The following LYST variants were observed in gnomAD, a reference collection of about 807,000 sequenced individuals.
LYST encodes the protein lysosomal trafficking regulator.
LYST carries 192 observed loss-of-function variants against 413.6 expected under a neutral mutation model. That is an observed-to-expected ratio of 0.46 (90% CI 0.41 to 0.52). The LOEUF is 0.52. Among genes scored for constraint, LYST ranks in the 20% least tolerant of loss-of-function variants. LYST has a pLI of 0.00. For synonymous variants in LYST, 1,525 were observed against 1,567.3 expected, an observed-to-expected ratio of 0.97 and a Z score of 0.64; for missense variants, 3,815 against 4,499.9, an observed-to-expected ratio of 0.85 and a Z score of 4.35.
At chr1:235,683,004 C>G (rs2103048855) in intron 48 of LYST, among the ~76,000 whole-genome samples, 1 of 152,272 alleles carries the variant, frequency 6.6e-6, no homozygotes, top group South Asian at 2.1e-4. Flanking sequence ...ACAGTCAATC[C>G]CATTCATTAT....
chr1:235,721,047 G>T, intron 39 of LYST, 142 bp from the exon 40 acceptor site: 1 of 756,678 alleles, frequency 1.3e-6, no homozygotes, highest in Non-Finnish European at 2.2e-6. Flanking sequence ...AACATTAATG[G>T]GTAGAGAACT....
intron 47 of LYST, among the ~76,000 whole-genome samples, chr1:235,688,883 G>A (rs1030063240): frequency 2.0e-5 from 3 of 151,836 alleles, no homozygotes; most frequent in Admixed American, 6.6e-5. Flanking sequence ...TACTAGGGAC[G>A]GTGAGGCAGG....
In LYST at chr1:235,787,297, G is replaced by A; in HGVS notation, c.4765C>T (p.Pro1589Ser). The A allele has an allele frequency of 6.2e-7, 1 of 1,613,466 alleles. No individual in the cohort carries two copies. ...QVESQENIFL[P>S]SKWQHLVLTY... is the part of the protein sequence containing the mutation. Reference sequence around the variant, plus strand: ...AGTACTAAATGTTGCCATTTGCTTGGGAGGAAAATATTCTCCTGTGATTCA... The same window carrying A: ...AGTACTAAATGTTGCCATTTGCTTGAGAGGAAAATATTCTCCTGTGATTCA... Residue 1589 changes from proline (P) to serine (S), a missense_variant, in exon 14 of 53, where the codon CCA (proline) becomes TCA (serine). By Grantham distance (74) the Pro-to-Ser change is moderately conservative. Coordinates refer to ENST00000389793, the MANE Select transcript of LYST (RefSeq NM_000081.4).
chr1:235,800,170 C>T, intron 10 of LYST, 150 bp downstream of exon 10: 1 of 581,468 alleles, frequency 1.7e-6, no homozygotes, highest in South Asian at 1.8e-5. Context: ...TGGTATTGAA[C>T]TCCCAGGCTC....
Position 235,686,971 on chromosome 1 carries a change from G to A in LYST, c.10778C>T (p.Thr3593Ile). The A allele has an allele frequency of 1.2e-6, 2 of 1,614,014 alleles. No homozygotes were observed. The highest frequency in any genetic ancestry group is 1.7e-6 in the Non-Finnish European group (2 of 1,179,938). Residue 3593 changes from threonine (T) to isoleucine (I), a missense_variant, in exon 48 of 53, where the codon ACA becomes ATA. Thr to Ile is a moderately conservative substitution (Grantham distance 89, BLOSUM62 -1). Around this residue, in one of 4 missense-constraint regions of LYST, gnomAD observed 866 missense variants for 1,156.0 expected, o/e 0.75. Transcript: ENST00000389793. The surrounding 1 kb of genome is among the most constrained non-coding windows in gnomAD (Gnocchi z 4.0). ...GSKCGVITAY[T>I]NRFTSSTPSE... ...TACCGTGCTGCTTGTAAATCTGTTT[G>A]TGTAGGCTGTGATGACACCGCATTT...
intron 33 of LYST, 65 bp from the exon 34 acceptor site, chr1:235,733,756 CT>C: frequency 2.6e-6 from 4 of 1,511,806 alleles, no homozygotes; most frequent in Non-Finnish European, 3.7e-6. Flanking sequence ...GAACATGATA[CT>C]TTAAAACTAA....
chr1:235,727,013 G>A (rs1663941759), intron 38 of LYST, among the ~76,000 whole-genome samples: 1 of 151,964 alleles, frequency 6.6e-6, no homozygotes, highest in Admixed American at 6.6e-5. Flanking sequence ...CTATATAAAT[G>A]AGAAAAGAAT....
At position 235,845,214 on chromosome 1, in the gene LYST, C is replaced by T. The variant is rs534372558; in HGVS notation, c.-97-11547G>A. Among the ~76,000 whole-genome samples, 20 of 152,294 alleles carry T rather than the reference C, an allele frequency of 1.3e-4. No homozygotes were observed. The East Asian group carries it at 3.3e-3, about 25-fold the overall frequency. ...ACCCTCCTCTCCTGAACACACACCC[C>T]CACTGGAGAAGCTGAAGGTCTGTTT... On this transcript the variant is annotated intron_variant, in intron 1 of 52. Transcript: ENST00000389793.
At chr1:235,751,405 A>G (rs1666485892) in intron 27 of LYST, 43 bp from the exon 28 acceptor site, 7 of 1,557,840 alleles carry the variant, frequency 4.5e-6, no homozygotes, top group Non-Finnish European at 6.2e-6. Context: ...CTATGTGGTT[A>G]CTAATTTTTT....
intron 1 of LYST, among the ~76,000 whole-genome samples, chr1:235,845,087 G>A (rs1677647344): frequency 6.6e-6 from 1 of 152,130 alleles, no homozygotes; most frequent in African/African-American, 2.4e-5. Flanking sequence ...CAGCAATCCC[G>A]AGAGGACCCA....
At chr1:235,666,609 C>CAT (rs1322385651) in intron 50 of LYST, among the ~76,000 whole-genome samples, 1 of 135,366 alleles carries the variant, frequency 7.4e-6, no homozygotes, top group Non-Finnish European at 1.6e-5. Flanking sequence ...CACACACATA[C>CAT]ACACACACAC....
At chr1:235,867,467 G>A (rs1000275684), upstream of LYST, among the ~76,000 whole-genome samples, 80 of 152,296 alleles carry the variant, frequency 5.3e-4, no homozygotes, top group African/African-American at 1.8e-3. Context: ...GTTACCGTCG[G>A]CTTCTTTCAA....
intron 40 of LYST, among the ~76,000 whole-genome samples, chr1:235,718,492 C>T (rs185297402): frequency 5.8e-4 from 88 of 152,058 alleles, no homozygotes; most frequent in Non-Finnish European, 3.4e-4. Context: ...GAACTCCTGA[C>T]GTCAGGTGAT....
chr1:235,817,999 A>AT (rs1268163084), intron 3 of LYST, among the ~76,000 whole-genome samples: 5 of 152,104 alleles, frequency 3.3e-5, no homozygotes, highest in African/African-American at 1.2e-4. Context: ...TTCTGTGATG[A>AT]TTTTTTGAGA....
rs764356778 is a variant in LYST at position 235,687,066 on chromosome 1, C to A, written c.10702-19G>T. ...TAGTCACCTTTGAAAAAGGACCAATCAAAGATTATCATGTTTTAAAAGAAT... is the reference window on the plus strand; with the variant it reads ...TAGTCACCTTTGAAAAAGGACCAATAAAAGATTATCATGTTTTAAAAGAAT... On this transcript the variant is annotated intron_variant, in intron 47 of 52. Coordinates refer to ENST00000389793, the MANE Select transcript of LYST (RefSeq NM_000081.4). The A allele has an allele frequency of 2.7e-5, 39 of 1,468,288 alleles. No homozygotes were observed. The highest frequency in any genetic ancestry group is 3.6e-5 in the Non-Finnish European group (38 of 1,047,326). The allele number at this position is 1,468,288 out of a possible 1,614,324, so 91.0% of individuals were successfully genotyped here.
intron 31 of LYST, 91 bp downstream of exon 31, chr1:235,741,331 T>A (rs1408722541): frequency 8.1e-6 from 9 of 1,111,402 alleles, no homozygotes; most frequent in Non-Finnish European, 1.2e-5. Flanking sequence ...AAATTAGGCA[T>A]GAACATTCAG....
chr1:235,792,174 ACAT>A (rs765746561), intron 11 of LYST, 49 bp from the exon 12 acceptor site: 41 of 1,210,446 alleles, frequency 3.4e-5, no homozygotes, highest in Non-Finnish European at 6.0e-6. Context: ...GTAATAAAGT[ACAT>A]AATAATCTTG....
In LYST at chr1:235,830,313, C is replaced by T. The variant is rs562969497; in HGVS notation, c.105G>A (p.Glu35=). ...GTCCAAGGGTTGCCATGTGCGTCTC[C>T]TCCTCTTCTTCCTCCCTGGCCTCCA... ...QRVEAREEEE[E]ETHMATLGQY... is the part of the protein sequence containing the mutation. The change falls in exon 3 of 53, where the codon GAG becomes GAA. Residue 35 remains glutamate, a synonymous_variant. Transcript: ENST00000389793. The T allele has an allele frequency of 1.2e-6, 2 of 1,613,930 alleles. No homozygotes were observed. Among genetic ancestry groups the T allele is most frequent in the South Asian group, 2.2e-5 (2 of 91,080 alleles).
At chr1:235,761,991 G>C (rs988901452) in intron 22 of LYST, among the ~76,000 whole-genome samples, 1 of 108,536 alleles carries the variant, frequency 9.2e-6, no homozygotes, top group Non-Finnish European at 1.8e-5. Context: ...GGGGAGGGGG[G>C]AGGGATAGCA....
Sources: allele counts gnomAD v4.1 joint callset (sites outside exome capture counted in the v4.1 genomes callset), GRCh38; gene constraint gnomAD v4.1.1; regional missense constraint gnomAD v4.1.1; non-coding constraint Gnocchi (gnomAD v3.1); transcripts MANE v1.5; gene names NCBI Gene and HGNC (gene_info 2026-07-23, HGNC 2026-07-21).